GRIP1: variants seen among roughly 807,000 people sequenced by gnomAD.
The protein encoded by GRIP1 is glutamate receptor-interacting protein 1.
Under a neutral mutation model 129.9 loss-of-function variants are expected in GRIP1, and 45 were observed. The ratio of observed to expected loss-of-function variants is 0.35; its 90% CI spans 0.27 to 0.44. The LOEUF (loss-of-function observed/expected upper bound fraction) is 0.44, where lower values mean the gene tolerates loss of function less well. GRIP1 is among the 20% of genes least tolerant of loss of function. GRIP1 has a pLI of 1.00. For synonymous variants in GRIP1, 530 were observed against 520.8 expected (o/e 1.02, Z -0.24); for missense variants, 1,196 against 1,396.8 (o/e 0.86, Z 2.29).
At chr12:66,515,518 C>A (rs1165497635) in intron 7 of GRIP1, 101 bp downstream of exon 7, 11 of 1,052,160 alleles carry the variant, frequency 1.0e-5, no homozygotes, top group African/African-American at 1.6e-5. Flanking sequence ...CTGTCTGCTC[C>A]AGGAGGGCAT....
chr12:66,500,591 G>A (rs2138768928), intron 7 of GRIP1, among the ~76,000 whole-genome samples: 1 of 152,274 alleles, frequency 6.6e-6, no homozygotes, highest in East Asian at 1.9e-4. Context: ...GAGGTTCAGG[G>A]AAAAATTTCA....
chr12:66,557,847 T>C (rs1412523611), intron 2 of GRIP1, among the ~76,000 whole-genome samples: 1 of 152,046 alleles, frequency 6.6e-6, no homozygotes, highest in Admixed American at 6.6e-5. Flanking sequence ...TAGCTATTAA[T>C]ACTACATCAA....
chr12:67,068,849 T>A (rs1482382247), intron 1 of GRIP1, among the ~76,000 whole-genome samples: 4 of 2,120 alleles, frequency 1.9e-3, no homozygotes, highest in African/African-American at 4.7e-3. Context: ...TGCCCTCTCA[T>A]CCCGCCCCCC....
chr12:66,406,763 T>A (rs573368003), intron 15 of GRIP1, among the ~76,000 whole-genome samples: 2 of 152,326 alleles, frequency 1.3e-5, no homozygotes, highest in South Asian at 4.1e-4. Context: ...TCTTTCTCCA[T>A]ATTGTTGTAT....
intron 1 of GRIP1, among the ~76,000 whole-genome samples, chr12:66,845,638 C>T (rs958391098): frequency 6.6e-6 from 1 of 152,120 alleles, no homozygotes; most frequent in Non-Finnish European, 1.5e-5. Flanking sequence ...AGACTTACAA[C>T]GTATCTTTGA....
chr12:67,011,713 C>T (rs11176534), intron 1 of GRIP1, among the ~76,000 whole-genome samples: 18,038 of 152,044 alleles, frequency 0.12, 1,157 homozygotes, highest in Admixed American at 0.16. Flanking sequence ...TATTCTTTCA[C>T]AGCATCTTGC....
intron 1 of GRIP1, among the ~76,000 whole-genome samples, chr12:66,851,043 A>G (rs921719986): frequency 2.0e-4 from 30 of 151,152 alleles, no homozygotes; most frequent in South Asian, 2.1e-4. Context: ...GATTTGAGGT[A>G]AATACTCAGC....
rs141181746 is a variant in GRIP1, at chr12:66,565,905, C to G, written c.137-23955G>C. On this transcript the variant is annotated intron_variant, in intron 2 of 24. Coordinates refer to ENST00000359742, the MANE Select transcript of GRIP1 (RefSeq NM_001366722.1). ...TGAAACAATTGTGAATGGGGGTTCA[C>G]TCATGATTTCACTGTTTGTCTGTTA... 3.1e-3 allele frequency among the ~76,000 whole-genome samples: 474 copies of G among 152,244 alleles called. 1 individual carries two copies. The highest frequency in any genetic ancestry group is 4.5e-3 in the Non-Finnish European group (305 of 68,008).
chr12:66,549,505 A>C (rs1027186992), intron 2 of GRIP1, among the ~76,000 whole-genome samples: 1 of 152,164 alleles, frequency 6.6e-6, no homozygotes, highest in Non-Finnish European at 1.5e-5. Flanking sequence ...GCCACTAGGA[A>C]GTTTATTCCC....
intron 1 of GRIP1, among the ~76,000 whole-genome samples, chr12:66,794,154 A>C (rs2038628868): frequency 1.3e-5 from 2 of 152,206 alleles, no homozygotes; most frequent in Admixed American, 1.3e-4. Flanking sequence ...ATGGAGAGGA[A>C]TAGCATCGGA....
chr12:66,870,827 C>T (rs937385678), intron 1 of GRIP1, among the ~76,000 whole-genome samples: 3 of 152,128 alleles, frequency 2.0e-5, no homozygotes, highest in Non-Finnish European at 4.4e-5. Context: ...AAGGGCCACT[C>T]CATTTCAAAG....
At chr12:66,668,509 T>G (rs1269084134) in intron 1 of GRIP1, among the ~76,000 whole-genome samples, 1 of 152,190 alleles carries the variant, frequency 6.6e-6, no homozygotes, top group African/African-American at 2.4e-5. Flanking sequence ...GCCAGTATTT[T>G]CCTCCAGACA....
intron 1 of GRIP1, among the ~76,000 whole-genome samples, chr12:66,651,743 T>C (rs1253726062): frequency 4.6e-5 from 7 of 152,120 alleles, no homozygotes; most frequent in Admixed American, 3.3e-4. Flanking sequence ...GGGGAAAATC[T>C]CTATGGACCT....
chr12:66,688,310 T>A (rs753897537), intron 1 of GRIP1, among the ~76,000 whole-genome samples: 6 of 152,206 alleles, frequency 3.9e-5, no homozygotes, highest in Admixed American at 2.6e-4. Context: ...TCTGTTACAG[T>A]ACTGAATTTA....
intron 1 of GRIP1, among the ~76,000 whole-genome samples, chr12:66,723,756 A>G (rs1186490835): frequency 6.6e-6 from 1 of 152,202 alleles, no homozygotes; most frequent in Non-Finnish European, 1.5e-5. Context: ...CATGCCAAGA[A>G]AAAGCAGGAC....
chr12:66,933,206 A>T (rs747239994), intron 1 of GRIP1, among the ~76,000 whole-genome samples: 2 of 152,170 alleles, frequency 1.3e-5, no homozygotes, highest in Non-Finnish European at 2.9e-5. Context: ...GGCTGGCACC[A>T]CTTTTCCAAG....
chr12:66,747,938 A>T (rs1029448325), intron 1 of GRIP1, among the ~76,000 whole-genome samples: 1 of 152,286 alleles, frequency 6.6e-6, no homozygotes, highest in East Asian at 1.9e-4. Context: ...TTATTTATGC[A>T]TATATATAAA....
At chr12:66,894,700 A>C (rs2040716741) in intron 1 of GRIP1, among the ~76,000 whole-genome samples, 2 of 152,134 alleles carry the variant, frequency 1.3e-5, no homozygotes, top group South Asian at 4.2e-4. Context: ...AGAAGACACA[A>C]ACTGCCTCCC....
intron 1 of GRIP1, among the ~76,000 whole-genome samples, chr12:66,644,262 A>G (rs549919732): frequency 6.6e-6 from 1 of 152,312 alleles, no homozygotes; most frequent in South Asian, 2.1e-4. Context: ...GCCAAACCAT[A>G]TCACCAAGAG....
Sources: gnomAD v4.1 joint callset for allele counts (sites outside exome capture counted in the v4.1 genomes callset) on GRCh38, gnomAD v4.1.1 for gene constraint, MANE v1.5 for transcripts, NCBI Gene and HGNC (gene_info 2026-07-23, HGNC 2026-07-21) for gene names.